Variants in ST6GALNAC1 observed in about 807,000 individuals in gnomAD.
The protein encoded by ST6GALNAC1 is alpha-N-acetylgalactosaminide alpha-2,6-sialyltransferase 1.
In ST6GALNAC1, 45 loss-of-function variants were observed where a neutral mutation model predicts 56.8. That is an observed-to-expected ratio of 0.79 (90% CI 0.62 to 1.02). ST6GALNAC1 has a LOEUF of 1.02. Ranked by LOEUF, ST6GALNAC1 falls within the 50% of genes least tolerant of loss-of-function variation. The pLI, the probability that ST6GALNAC1 is intolerant of heterozygous loss-of-function variation, is 0.00. For synonymous variants in ST6GALNAC1, 295 were observed against 297.8 expected, an observed-to-expected ratio of 0.99 and a Z score of 0.10; for missense variants, 743 against 754.8, an observed-to-expected ratio of 0.98 and a Z score of 0.18.
intron 1 of ST6GALNAC1, chr17:76,637,393 C>T (rs1207637348): frequency 1.1e-5 from 3 of 282,478 alleles, no homozygotes; most frequent in Non-Finnish European, 1.9e-5. Flanking sequence ...CCACAAGGGT[C>T]CCTCATGTTG....
At chr17:76,639,186 TTTAAGG>T (rs1484247204) in intron 1 of ST6GALNAC1, among the ~76,000 whole-genome samples, 3 of 152,182 alleles carry the variant, frequency 2.0e-5, no homozygotes, top group African/African-American at 7.2e-5. Context: ...TGGCCTGTTT[TTTAAGG>T]TGACAAATTC....
chr17:76,630,318 G>A (rs1458938269), intron 1 of ST6GALNAC1, among the ~76,000 whole-genome samples: 1 of 152,118 alleles, frequency 6.6e-6, no homozygotes, highest in Non-Finnish European at 1.5e-5. Flanking sequence ...AGGCAGGGCC[G>A]GCCAAGGCAA....
rs192485591 is a variant in ST6GALNAC1 at position 76,641,060 on chromosome 17, G to C, written c.131+2448C>G. 1.5e-3 allele frequency among the ~76,000 whole-genome samples: 234 copies of C among 152,306 alleles called. 1 individual carries two copies. Among genetic ancestry groups the C allele is most frequent in the African/African-American group, 5.1e-3 (213 of 41,568 alleles). On this transcript the variant is annotated intron_variant, in intron 1 of 8. Coordinates refer to ENST00000156626, the MANE Select transcript of ST6GALNAC1 (RefSeq NM_018414.5). ...GTGAAGACCTTGTCTCTGCAGCTGTGTAGCTGCAAGGTCACTAGGCAGATA... is the reference window on the plus strand; with the variant it reads ...GTGAAGACCTTGTCTCTGCAGCTGTCTAGCTGCAAGGTCACTAGGCAGATA...
At chr17:76,623,446 G>A (rs1195092427), downstream of ST6GALNAC1, among the ~76,000 whole-genome samples, 1 of 152,178 alleles carries the variant, frequency 6.6e-6, no homozygotes, top group African/African-American at 2.4e-5. Context: ...AACTTGAGGA[G>A]AACTGACATA....
At chr17:76,618,799 C>T in the ST6GALNAC1 span, among the ~76,000 whole-genome samples, 1 of 143,850 alleles carries the variant, frequency 7.0e-6, no homozygotes, top group Non-Finnish European at 1.5e-5. Flanking sequence ...AAAAAATTAG[C>T]TGGGCCTGGT....
intron 1 of ST6GALNAC1, among the ~76,000 whole-genome samples, chr17:76,641,276 G>A (rs1339420906): frequency 1.3e-5 from 2 of 152,088 alleles, no homozygotes; most frequent in African/African-American, 4.8e-5. Flanking sequence ...GGATGTTAAT[G>A]TGACTGGGCC....
chr17:76,636,436 G>A lies in ST6GALNAC1; in HGVS notation c.132-6725C>T, dbSNP rs577693393. The stretch of plus-strand genomic sequence containing the variant: ...GAGGGATCTGTGAGTTCCAAGGTCA[G>A]AGGACCCTGCTTCCTGGCAGTGTTC... On this transcript the variant is annotated intron_variant, in intron 1 of 8. Coordinates refer to ENST00000156626, the MANE Select transcript of ST6GALNAC1 (RefSeq NM_018414.5). Among the ~76,000 whole-genome samples the A allele has an allele frequency of 1.8e-3, 279 of 152,164 alleles. 1 individual carries two copies. Among genetic ancestry groups the A allele is most frequent in the Non-Finnish European group, 3.0e-3 (203 of 68,004 alleles).
At chr17:76,625,649 G>C (rs2075786244) in intron 8 of ST6GALNAC1, 122 bp from the exon 9 acceptor site, 2 of 1,258,908 alleles carry the variant, frequency 1.6e-6, no homozygotes, top group African/African-American at 3.0e-5. Context: ...AGGGGTCTGG[G>C]TGCAGGTCCC....
chr17:76,641,863 A>C (rs2076051895), intron 1 of ST6GALNAC1: 1 of 152,168 alleles, frequency 6.6e-6, no homozygotes, highest in African/African-American at 2.4e-5. Context: ...ATGTCCCGAC[A>C]TGGAAAGATG....
At chr17:76,636,958 T>G (rs1390553940) in intron 1 of ST6GALNAC1, among the ~76,000 whole-genome samples, 3 of 151,742 alleles carry the variant, frequency 2.0e-5, no homozygotes, top group African/African-American at 7.3e-5. Context: ...CCTGTTGATC[T>G]ATGACCTTAC....
At chr17:76,625,679 G>T in intron 8 of ST6GALNAC1, 140 bp downstream of exon 8, 1 of 1,136,360 alleles carries the variant, frequency 8.8e-7, no homozygotes, top group East Asian at 2.6e-5. Flanking sequence ...ACGCATAACT[G>T]CATGCACCCA....
At chr17:76,623,098 A>C (rs763316440), downstream of ST6GALNAC1, among the ~76,000 whole-genome samples, 5 of 152,202 alleles carry the variant, frequency 3.3e-5, no homozygotes, top group South Asian at 2.1e-4. Flanking sequence ...TCTGGAATTT[A>C]ATTGTTGATG....
At chr17:76,628,268 C>CTCCTTCCTTCCTTCCTTCCT (rs1192343192) in intron 2 of ST6GALNAC1, among the ~76,000 whole-genome samples, 8 of 37,490 alleles carry the variant, frequency 2.1e-4, no homozygotes, top group African/African-American at 7.6e-4. Flanking sequence ...CCCTCCCTCC[C>CTCCTTCCTTCCTTCCTTCCT]TCCTTCCTTC....
Position 76,625,196 on chromosome 17 carries a change from C to G in ST6GALNAC1, c.*134G>C. The stretch of plus-strand genomic sequence containing the variant: ...TCTTGAGAGAGTCTTGTCCATGGTT[C>G]AAGTGTTCCCTTGGAACTCCTGAAG... On this transcript the variant is annotated 3_prime_UTR_variant, in exon 9 of 9. Transcript: ENST00000156626. 1 of 901,712 alleles carries G rather than the reference C, an allele frequency of 1.1e-6. No individual in the cohort carries two copies. The highest frequency in any genetic ancestry group is 1.7e-6 in the Non-Finnish European group (1 of 604,786). The allele number at this position is 901,712 out of a possible 1,614,324, so 55.9% of individuals were successfully genotyped here.
Position 76,627,313 on chromosome 17 carries a change from C to T in ST6GALNAC1, c.1001-75G>A. ...GTCCGACCCATCATTCCTCCCAGGTCTGGCAAACCCCAGGGAAGAGGCAGA... is the reference window on the plus strand; with the variant it reads ...GTCCGACCCATCATTCCTCCCAGGTTTGGCAAACCCCAGGGAAGAGGCAGA... On this transcript the variant is annotated intron_variant, in intron 3 of 8. Coordinates refer to ENST00000156626, the MANE Select transcript of ST6GALNAC1 (RefSeq NM_018414.5). This position sits in a 1 kb window ranked among gnomAD's most constrained non-coding sequence, Gnocchi z 4.4. The T allele has an allele frequency of 6.4e-7, 1 of 1,563,764 alleles. No individual in the cohort carries two copies. Among genetic ancestry groups the T allele is most frequent in the Admixed American group, 1.8e-5 (1 of 54,770 alleles).
chr17:76,623,625 G>A (rs1289246155), downstream of ST6GALNAC1, among the ~76,000 whole-genome samples: 2 of 152,110 alleles, frequency 1.3e-5, no homozygotes, highest in African/African-American at 2.4e-5. Context: ...TTATGTTTAT[G>A]ACAGTTACTG....
At chr17:76,622,821 T>A (rs2075755293), downstream of ST6GALNAC1, among the ~76,000 whole-genome samples, 1 of 148,484 alleles carries the variant, frequency 6.7e-6, no homozygotes, top group Non-Finnish European at 1.5e-5. Flanking sequence ...TTTGAGACAG[T>A]CTTGCTCTAT....
chr17:76,634,182 C>G (rs2075945239), intron 1 of ST6GALNAC1, among the ~76,000 whole-genome samples: 1 of 152,210 alleles, frequency 6.6e-6, no homozygotes, highest in Non-Finnish European at 1.5e-5. Flanking sequence ...TGGCTGGTCA[C>G]ACAGAATCGC....
chr17:76,618,858 C>T, the ST6GALNAC1 span, among the ~76,000 whole-genome samples: 6 of 152,014 alleles, frequency 3.9e-5, no homozygotes, highest in South Asian at 6.2e-4. Flanking sequence ...ATGGGAGGAT[C>T]GCTTGAACCT....
Sources: gnomAD v4.1 joint callset for allele counts (sites outside exome capture counted in the v4.1 genomes callset) on GRCh38, gnomAD v4.1.1 for gene constraint, Gnocchi (gnomAD v3.1) non-coding constraint, MANE v1.5 for transcripts, NCBI Gene and HGNC (gene_info 2026-07-23, HGNC 2026-07-21) for gene names.